Variants in NHS observed in about 807,000 individuals in gnomAD.
The protein encoded by NHS is NHS actin remodeling regulator.
NHS carries 5 observed loss-of-function variants against 72.5 expected under a neutral mutation model. The observed-to-expected ratio is 0.07, with a 90% confidence interval of 0.04 to 0.14. NHS has a LOEUF of 0.14. NHS is among the 10% of genes least tolerant of loss of function. The pLI, the probability that NHS is intolerant of heterozygous loss-of-function variation, is 1.00. For missense variants in NHS, 1,072 were observed against 1,355.7 expected, an observed-to-expected ratio of 0.79 and a Z score of 3.29; for synonymous variants, 464 against 547.7, an observed-to-expected ratio of 0.85 and a Z score of 2.13.
chrX:17,712,391 C>CAT (rs1375636575), intron 3 of NHS, among the ~76,000 whole-genome samples: 2,225 of 89,230 alleles, frequency 0.025, 121 homozygotes, highest in African/African-American at 0.1. Context: ...CACACACACA[C>CAT]ACATATATAT....
chrX:17,385,949 C>T (rs1471954796), intron 1 of NHS, among the ~76,000 whole-genome samples: 1 of 111,806 alleles, frequency 8.9e-6, no homozygotes, highest in Non-Finnish European at 1.9e-5. Context: ...ACTTCTCACC[C>T]AGAGTGGGAA....
At chrX:17,465,919 A>C (rs928102688) in intron 1 of NHS, among the ~76,000 whole-genome samples, 1 of 112,764 alleles carries the variant, frequency 8.9e-6, no homozygotes, top group Non-Finnish European at 1.9e-5. Flanking sequence ...CTGCCAGTCT[A>C]TTCTTTCCTC....
intron 1 of NHS, among the ~76,000 whole-genome samples, chrX:17,549,613 G>A (rs751904585): frequency 8.9e-5 from 10 of 111,852 alleles, no homozygotes; most frequent in South Asian, 3.7e-4. Flanking sequence ...AGAAAAGCTC[G>A]TTTCTGTTTA....
At chrX:17,632,999 G>A (rs1038024214) in intron 1 of NHS, among the ~76,000 whole-genome samples, 3 of 111,907 alleles carry the variant, frequency 2.7e-5, no homozygotes, top group African/African-American at 9.7e-5. Context: ...GTGTTTTGAT[G>A]TAGAGAGAAC....
chrX:17,455,462 T>C (rs1426937546), intron 1 of NHS, among the ~76,000 whole-genome samples: 2 of 112,058 alleles, frequency 1.8e-5, no homozygotes, highest in East Asian at 5.6e-4. Flanking sequence ...CATAGTCTCA[T>C]TTAGCTCCAA....
At chrX:17,438,429 A>AC (rs1271465641) in intron 1 of NHS, among the ~76,000 whole-genome samples, 5 of 111,875 alleles carry the variant, frequency 4.5e-5, no homozygotes, top group Non-Finnish European at 9.4e-5. Context: ...CGAGTGAGTC[A>AC]TTTTCCTCCC....
At chrX:17,584,832 C>G (rs2065565940) in intron 1 of NHS, among the ~76,000 whole-genome samples, 1 of 111,608 alleles carries the variant, frequency 9.0e-6, no homozygotes, top group Non-Finnish European at 1.9e-5. Context: ...GCTATACTTT[C>G]TTTTAAAATA....
At chrX:17,491,997 A>C (rs2064993886) in intron 1 of NHS, among the ~76,000 whole-genome samples, 1 of 109,157 alleles carries the variant, frequency 9.2e-6, no homozygotes, top group Non-Finnish European at 1.9e-5. Flanking sequence ...ATCATTTTTT[A>C]TTGTGTCTAT....
At chrX:17,468,847 G>T (rs921530635) in intron 1 of NHS, among the ~76,000 whole-genome samples, 4 of 111,268 alleles carry the variant, frequency 3.6e-5, no homozygotes, top group African/African-American at 1.3e-4. Flanking sequence ...GAACCACCTC[G>T]CCTGGCCTTA....
chrX:17,715,244 C>A (rs183611265), intron 3 of NHS, among the ~76,000 whole-genome samples: 13 of 112,109 alleles, frequency 1.2e-4, no homozygotes, highest in Admixed American at 1.0e-3. Flanking sequence ...ATCTTCATAG[C>A]TTAGCTCCCA....
intron 1 of NHS, among the ~76,000 whole-genome samples, chrX:17,600,476 T>A (rs1279934790): frequency 8.9e-6 from 1 of 112,193 alleles, no homozygotes; most frequent in Non-Finnish European, 1.9e-5. Context: ...ATACGTTAAT[T>A]TAAGACGACG....
At chrX:17,510,068 T>C (rs1191597828) in intron 1 of NHS, among the ~76,000 whole-genome samples, 1 of 112,757 alleles carries the variant, frequency 8.9e-6, no homozygotes, top group Non-Finnish European at 1.9e-5. Flanking sequence ...TCCCAGGGTC[T>C]ACCTTGAAGT....
chrX:17,520,269 C>T (rs1355494680), intron 1 of NHS, among the ~76,000 whole-genome samples: 1 of 111,942 alleles, frequency 8.9e-6, no homozygotes, highest in African/African-American at 3.3e-5. Flanking sequence ...ATGAGAAAGG[C>T]ACTTTTTCAT....
At chrX:17,605,599 C>A (rs139015723) in intron 1 of NHS, among the ~76,000 whole-genome samples, 1 of 111,120 alleles carries the variant, frequency 9.0e-6, no homozygotes, top group Non-Finnish European at 1.9e-5. Flanking sequence ...TGCCCATTGT[C>A]TTTCCTTCAT....
At chrX:17,605,687 T>G (rs1198426573) in intron 1 of NHS, among the ~76,000 whole-genome samples, 2 of 111,329 alleles carry the variant, frequency 1.8e-5, no homozygotes, top group African/African-American at 6.5e-5. Context: ...TGGCCGTTCT[T>G]TGTCCTCAGC....
At chrX:17,538,620 G>C (rs2065245125) in intron 1 of NHS, among the ~76,000 whole-genome samples, 1 of 111,576 alleles carries the variant, frequency 9.0e-6, no homozygotes, top group African/African-American at 3.3e-5. Context: ...AGCCCTCAGG[G>C]AGAGGGTCAT....
intron 1 of NHS, among the ~76,000 whole-genome samples, chrX:17,517,512 T>C (rs932571294): frequency 8.9e-6 from 1 of 112,347 alleles, no homozygotes; most frequent in African/African-American, 3.2e-5. Flanking sequence ...AAGGAAAGTG[T>C]CATTTGCATT....
At chrX:17,393,068 T>C (rs1040466853) in intron 1 of NHS, among the ~76,000 whole-genome samples, 4 of 112,291 alleles carry the variant, frequency 3.6e-5, no homozygotes, top group African/African-American at 1.3e-4. Context: ...TGTATGAGTA[T>C]ACCATGGTAT....
chrX:17,725,362 C>G lies in NHS; in HGVS notation c.1256C>G (p.Pro419Arg). 1 of 1,206,713 alleles carries G rather than the reference C, an allele frequency of 8.3e-7. No individual in the cohort carries two copies. The highest frequency in any genetic ancestry group is 3.0e-5 in the East Asian group (1 of 33,690). Residue 419 changes from proline to arginine, a missense_variant, in exon 7 of 9, where the codon CCA (proline) becomes CGA (arginine). Pro to Arg is a moderately radical substitution (Grantham distance 103). Coordinates refer to ENST00000676302, the MANE Select transcript of NHS (RefSeq NM_001291867.2). ...TGTGCCCTAGATTCTGATGAATCAC[C>G]AGTGGCCAGGGAAAGGAATGTGATT... is the stretch of plus-strand genomic sequence containing the variant. ...VQQEIDSDESPVARERNVIVH... is the reference protein window; with the variant it reads ...VQQEIDSDESRVARERNVIVH...
Sources: allele counts gnomAD v4.1 joint callset (sites outside exome capture counted in the v4.1 genomes callset), GRCh38; gene constraint gnomAD v4.1.1; transcripts MANE v1.5; gene names NCBI Gene and HGNC (gene_info 2026-07-23, HGNC 2026-07-21).